The following THSD7A variants were observed in gnomAD, a reference collection of about 807,000 sequenced individuals.
The protein encoded by THSD7A is thrombospondin type 1 domain containing 7A.
THSD7A carries 96 observed loss-of-function variants against 231.3 expected under a neutral mutation model. The ratio of observed to expected loss-of-function variants is 0.41; its 90% CI spans 0.35 to 0.49. The LOEUF (loss-of-function observed/expected upper bound fraction) is 0.49, where lower values mean the gene tolerates loss of function less well. THSD7A is among the 20% of genes least tolerant of loss of function. The pLI is 0.05. For synonymous variants in THSD7A, 940 were observed against 743.3 expected (o/e 1.26, Z -4.30); for missense variants, 2,290 against 2,070.2 (o/e 1.11, Z -2.06).
intron 1 of THSD7A, among the ~76,000 whole-genome samples, chr7:11,653,646 TCA>T (rs1167120922): frequency 1.1e-4 from 17 of 151,832 alleles, no homozygotes; most frequent in Admixed American, 5.3e-4. Flanking sequence ...CAGGCATGTG[TCA>T]TTGCACCTAG....
At chr7:11,509,143 T>A (rs540564617) in intron 6 of THSD7A, among the ~76,000 whole-genome samples, 1 of 152,348 alleles carries the variant, frequency 6.6e-6, no homozygotes, top group East Asian at 1.9e-4. Flanking sequence ...TTTTTAAATC[T>A]TTAAATATTA....
At chr7:11,585,431 A>G (rs1019888615) in intron 4 of THSD7A, among the ~76,000 whole-genome samples, 5 of 152,176 alleles carry the variant, frequency 3.3e-5, no homozygotes, top group African/African-American at 1.2e-4. Flanking sequence ...AACGTCACCA[A>G]TAGGTTCTTG....
chr7:11,490,880 C>T (rs911341828), intron 6 of THSD7A, among the ~76,000 whole-genome samples: 2 of 152,004 alleles, frequency 1.3e-5, no homozygotes, highest in East Asian at 1.9e-4. Flanking sequence ...TTATGGTATT[C>T]CCATTCATAT....
At chr7:11,425,247 G>T (rs532492258) in intron 15 of THSD7A, among the ~76,000 whole-genome samples, 2 of 152,238 alleles carry the variant, frequency 1.3e-5, no homozygotes, top group South Asian at 4.2e-4. Flanking sequence ...GAGGATTGAT[G>T]AATCAAATAA....
chr7:11,430,892 C>G (rs1167517887), intron 13 of THSD7A, among the ~76,000 whole-genome samples: 1 of 152,188 alleles, frequency 6.6e-6, no homozygotes, highest in Non-Finnish European at 1.5e-5. Context: ...TTTATCCACT[C>G]ATCAGTTAAT....
intron 4 of THSD7A, among the ~76,000 whole-genome samples, chr7:11,568,245 G>A (rs1047773885): frequency 6.6e-6 from 1 of 152,110 alleles, no homozygotes; most frequent in Non-Finnish European, 1.5e-5. Flanking sequence ...AACAATGAGA[G>A]AACCCACAGC....
intron 6 of THSD7A, among the ~76,000 whole-genome samples, chr7:11,539,967 C>T (rs1170968560): frequency 6.6e-6 from 1 of 152,180 alleles, no homozygotes; most frequent in African/African-American, 2.4e-5. Context: ...ACGACCCTGA[C>T]TGTTTTTACA....
At chr7:11,756,247 G>A (rs1477012966) in intron 1 of THSD7A, among the ~76,000 whole-genome samples, 2 of 152,024 alleles carry the variant, frequency 1.3e-5, no homozygotes, top group African/African-American at 4.8e-5. Context: ...ATTTTGAGGA[G>A]AGCAACGAGG....
chr7:11,761,007 T>TACAA (rs1782840320), intron 1 of THSD7A, among the ~76,000 whole-genome samples: 1 of 149,554 alleles, frequency 6.7e-6, no homozygotes, highest in Non-Finnish European at 1.5e-5. Context: ...ATAAATCGAA[T>TACAA]ACAAACATAT....
chr7:11,652,104 T>C (rs1413118102), intron 1 of THSD7A, among the ~76,000 whole-genome samples: 1 of 151,926 alleles, frequency 6.6e-6, no homozygotes, highest in Non-Finnish European at 1.5e-5. Flanking sequence ...GGCTGTTACG[T>C]TTCCTTTTTT....
chr7:11,630,701 T>A (rs1292312900), intron 2 of THSD7A, among the ~76,000 whole-genome samples: 1 of 152,246 alleles, frequency 6.6e-6, no homozygotes, highest in East Asian at 1.9e-4. Flanking sequence ...TACCATTAAT[T>A]GCCCTTGTCA....
intron 1 of THSD7A, among the ~76,000 whole-genome samples, chr7:11,811,258 C>G (rs1052858994): frequency 2.0e-5 from 3 of 152,136 alleles, no homozygotes; most frequent in South Asian, 4.1e-4. Context: ...ATGCCATGCA[C>G]TGTACACAAG....
chr7:11,783,687 T>C (rs1437607040), intron 1 of THSD7A, among the ~76,000 whole-genome samples: 2 of 152,136 alleles, frequency 1.3e-5, no homozygotes, highest in Non-Finnish European at 2.9e-5. Flanking sequence ...ATCAACTAGT[T>C]AGTGAGCTAG....
intron 1 of THSD7A, among the ~76,000 whole-genome samples, chr7:11,737,541 C>T (rs1562518060): frequency 6.6e-6 from 1 of 151,982 alleles, no homozygotes; most frequent in African/African-American, 2.4e-5. Context: ...AAACTCTGTG[C>T]AAAGGTGCCA....
At chr7:11,772,364 A>G (rs1242925778) in intron 1 of THSD7A, among the ~76,000 whole-genome samples, 1 of 152,184 alleles carries the variant, frequency 6.6e-6, no homozygotes, top group Admixed American at 6.5e-5. Context: ...CAAGAATCCC[A>G]TTACTGGGTA....
chr7:11,535,063 T>A (rs1412976182), intron 6 of THSD7A, among the ~76,000 whole-genome samples: 1 of 152,182 alleles, frequency 6.6e-6, no homozygotes, highest in Non-Finnish European at 1.5e-5. Flanking sequence ...TATTTTATAT[T>A]TGCCATTTGA....
chr7:11,540,231 C>T lies in THSD7A; in HGVS notation c.1822+1188G>A, dbSNP rs59533460. 1.8e-3 allele frequency among the ~76,000 whole-genome samples: 278 copies of T among 152,262 alleles called. 1 individual carries two copies. The highest frequency in any genetic ancestry group is 6.5e-3 in the African/African-American group (270 of 41,542). ...TCTGGAGCAATGATCTCCTTCTTCC[C>T]ATTTCAAACTCAAGCACTGGTTCAG... On this transcript the variant is annotated intron_variant, in intron 6 of 27. Transcript: ENST00000423059.
At chr7:11,664,036 C>T (rs900173698) in intron 1 of THSD7A, among the ~76,000 whole-genome samples, 4 of 151,192 alleles carry the variant, frequency 2.6e-5, no homozygotes, top group African/African-American at 7.2e-5. Context: ...TTGCTGGGAT[C>T]TTTTACTTCT....
chr7:11,506,168 T>C (rs1283896857), intron 6 of THSD7A, among the ~76,000 whole-genome samples: 4 of 152,110 alleles, frequency 2.6e-5, no homozygotes, highest in African/African-American at 9.7e-5. Flanking sequence ...ATTTTTTGTA[T>C]TTTTAGCAGA....
Sources: allele counts gnomAD v4.1 joint callset (sites outside exome capture counted in the v4.1 genomes callset), GRCh38; gene constraint gnomAD v4.1.1; transcripts MANE v1.5; gene names NCBI Gene and HGNC (gene_info 2026-07-23, HGNC 2026-07-21).